C1GALT1: variants seen among roughly 807,000 people sequenced by gnomAD.
The protein encoded by C1GALT1 is core 1 synthase, glycoprotein-N-acetylgalactosamine 3-beta-galactosyltransferase 1.
In C1GALT1, 11 loss-of-function variants were observed where a neutral mutation model predicts 31.0. The ratio of observed to expected loss-of-function variants is 0.36; its 90% CI spans 0.22 to 0.59. The LOEUF (loss-of-function observed/expected upper bound fraction) is 0.59, where lower values mean the gene tolerates loss of function less well. C1GALT1 is among the 20% of genes least tolerant of loss of function. C1GALT1 has a pLI of 0.79. For synonymous variants in C1GALT1, 175 were observed against 143.6 expected, an observed-to-expected ratio of 1.22 and a Z score of -1.56; for missense variants, 424 against 425.2, an observed-to-expected ratio of 1.00 and a Z score of 0.03.
chr7:7,220,185 A>C (rs1405406029), intron 1 of C1GALT1, among the ~76,000 whole-genome samples: 1 of 152,218 alleles, frequency 6.6e-6, no homozygotes, highest in East Asian at 1.9e-4. Context: ...CAAGCAATTA[A>C]AATTAATAGG....
At chr7:7,169,112 C>A (rs1366781382) in intron 2 of C1GALT1, among the ~76,000 whole-genome samples, 1 of 152,202 alleles carries the variant, frequency 6.6e-6, no homozygotes, top group Non-Finnish European at 1.5e-5. Context: ...TTATACAATA[C>A]TTTGTCATTT....
chr7:7,230,329 A>T (rs1783009158), intron 1 of C1GALT1, among the ~76,000 whole-genome samples: 1 of 152,208 alleles, frequency 6.6e-6, no homozygotes, highest in African/African-American at 2.4e-5. Context: ...TGTCACAGAG[A>T]ACAAGCCATG....
intron 1 of C1GALT1, among the ~76,000 whole-genome samples, chr7:7,188,459 G>A (rs1780914577): frequency 6.6e-6 from 1 of 152,138 alleles, no homozygotes; most frequent in African/African-American, 2.4e-5. Flanking sequence ...CAAGTGTGGA[G>A]AAATTAGTGG....
intron 1 of C1GALT1, among the ~76,000 whole-genome samples, chr7:7,187,402 A>G (rs1450013339): frequency 6.6e-6 from 1 of 151,482 alleles, no homozygotes; most frequent in Non-Finnish European, 1.5e-5. Flanking sequence ...GGCACCTGCC[A>G]CCATGCCCAG....
chr7:7,231,101 C>T (rs914044016), intron 1 of C1GALT1, among the ~76,000 whole-genome samples: 2 of 152,110 alleles, frequency 1.3e-5, no homozygotes, highest in African/African-American at 2.4e-5. Context: ...TTTTAAGGCT[C>T]ATTCTTGAAG....
chr7:7,188,178 T>G (rs921104979), intron 1 of C1GALT1, among the ~76,000 whole-genome samples: 1 of 152,174 alleles, frequency 6.6e-6, no homozygotes, highest in Non-Finnish European at 1.5e-5. Flanking sequence ...GTAATTGGAT[T>G]TGGGGTGAAG....
upstream of C1GALT1, chr7:7,177,918 A>C (rs1780522153): frequency 5.6e-6 from 1 of 177,438 alleles, no homozygotes; most frequent in East Asian, 1.2e-4. Flanking sequence ...AGGGAAATTG[A>C]GATTCAGAAG....
At chr7:7,157,876 G>T (rs1005191538) in intron 2 of C1GALT1, among the ~76,000 whole-genome samples, 3 of 152,042 alleles carry the variant, frequency 2.0e-5, no homozygotes, top group Non-Finnish European at 4.4e-5. Flanking sequence ...CTTTATTTGA[G>T]AACTGTCTTT....
At chr7:7,184,019 G>C (rs1780706743) in intron 1 of C1GALT1, among the ~76,000 whole-genome samples, 1 of 152,042 alleles carries the variant, frequency 6.6e-6, no homozygotes, top group African/African-American at 2.4e-5. Flanking sequence ...TGTGAGTTTG[G>C]GAAGTTGGAA....
intron 2 of C1GALT1, among the ~76,000 whole-genome samples, chr7:7,177,077 G>C (rs530758454): frequency 2.8e-4 from 42 of 152,248 alleles, no homozygotes; most frequent in African/African-American, 1.0e-3. Flanking sequence ...TATCTAATTA[G>C]GCCAGTAGTT....
At chr7:7,202,761 G>A (rs1172444134) in intron 1 of C1GALT1, among the ~76,000 whole-genome samples, 8 of 152,156 alleles carry the variant, frequency 5.3e-5, no homozygotes, top group Admixed American at 5.2e-4. Flanking sequence ...TCTGCAGAAA[G>A]CATTGTTGGG....
intron 1 of C1GALT1, among the ~76,000 whole-genome samples, chr7:7,224,363 G>A (rs1782655323): frequency 6.7e-6 from 1 of 150,068 alleles, no homozygotes; most frequent in East Asian, 2.0e-4. Flanking sequence ...CTTTTTGGAG[G>A]AGATTGTACA....
At position 7,247,751 on chromosome 7, in the gene C1GALT1, C is replaced by T. The variant is rs778027061; in HGVS notation, c.*4024C>T. 1 of 151,980 alleles carries T rather than the reference C, an allele frequency of 6.6e-6. No individual in the cohort carries two copies. Among genetic ancestry groups the T allele is most frequent in the African/African-American group, 2.4e-5 (1 of 41,432 alleles). The allele number at this position is 151,980 out of a possible 1,614,324, so 9.4% of individuals were successfully genotyped here. On this transcript the variant is annotated 3_prime_UTR_variant, in exon 4 of 4. Transcript: ENST00000436587. ...CCTTCTTTGTTTGCTTTATTACTAA[C>T]TTCCATTTTCTAGTTACTCTTAAAT...
intron 2 of C1GALT1, among the ~76,000 whole-genome samples, chr7:7,175,142 T>C (rs1206632145): frequency 1.3e-5 from 2 of 152,078 alleles, no homozygotes; most frequent in East Asian, 1.9e-4. Context: ...TTCTGGTTCT[T>C]GAAGGCTGTA....
chr7:7,205,833 T>A (rs914354715), intron 1 of C1GALT1, among the ~76,000 whole-genome samples: 7 of 152,190 alleles, frequency 4.6e-5, no homozygotes, highest in African/African-American at 1.7e-4. Context: ...AGACAGCATG[T>A]AGTTGGATGA....
At position 7,245,705 on chromosome 7, in the gene C1GALT1, A is replaced by G. The variant is rs1450216555; in HGVS notation, c.*1978A>G. ...CACCATGGTGTGGACATGAATTTTCATATGTGTTACTTGACTAGAAGTATA... is the reference window on the plus strand; with the variant it reads ...CACCATGGTGTGGACATGAATTTTCGTATGTGTTACTTGACTAGAAGTATA... On this transcript the variant is annotated 3_prime_UTR_variant, in exon 4 of 4. Coordinates refer to ENST00000436587, the MANE Select transcript of C1GALT1 (RefSeq NM_020156.5). 6.6e-6 allele frequency: 1 copy of G among 152,214 alleles called. No homozygotes were observed. The highest frequency in any genetic ancestry group is 1.5e-5 in the Non-Finnish European group (1 of 68,026). The allele number at this position is 152,214 out of a possible 1,614,324, so 9.4% of individuals were successfully genotyped here.
intron 1 of C1GALT1, among the ~76,000 whole-genome samples, chr7:7,233,023 T>C (rs1013284141): frequency 1.3e-5 from 2 of 152,220 alleles, no homozygotes; most frequent in African/African-American, 2.4e-5. Context: ...AACTTATTTT[T>C]TTAATTATCT....
At chr7:7,237,975 G>A (rs1251073691) in intron 2 of C1GALT1, among the ~76,000 whole-genome samples, 7 of 152,160 alleles carry the variant, frequency 4.6e-5, no homozygotes, top group Non-Finnish European at 1.0e-4. Flanking sequence ...GCTCCCAGGT[G>A]ATGCTGCTGC....
At chr7:7,220,643 T>G (rs901533893) in intron 1 of C1GALT1, among the ~76,000 whole-genome samples, 2 of 152,124 alleles carry the variant, frequency 1.3e-5, no homozygotes, top group African/African-American at 2.4e-5. Context: ...TGCCTCAGCC[T>G]CCCAAATAGC....
Sources: allele counts gnomAD v4.1 joint callset (sites outside exome capture counted in the v4.1 genomes callset), GRCh38; gene constraint gnomAD v4.1.1; transcripts MANE v1.5; gene names NCBI Gene and HGNC (gene_info 2026-07-23, HGNC 2026-07-21).